The following LGR5 variants were observed in gnomAD, a reference collection of about 807,000 sequenced individuals.
LGR5 encodes leucine rich repeat containing G protein-coupled receptor 5.
Under a neutral mutation model 76.7 loss-of-function variants are expected in LGR5, and 54 were observed. That is an observed-to-expected ratio of 0.70 (90% CI 0.57 to 0.88). LGR5 has a LOEUF of 0.88. LGR5 is among the 40% of genes least tolerant of loss of function. LGR5 has a pLI of 0.00. For synonymous variants in LGR5, 406 were observed against 421.9 expected, an observed-to-expected ratio of 0.96 and a Z score of 0.46; for missense variants, 1,078 against 1,073.3, an observed-to-expected ratio of 1.00 and a Z score of -0.06.
intron 13 of LGR5, among the ~76,000 whole-genome samples, chr12:71,575,389 T>G (rs559329658): frequency 6.6e-6 from 1 of 152,292 alleles, no homozygotes; most frequent in African/African-American, 2.4e-5. Context: ...CCAGCAATTC[T>G]ATTACTGGGT....
chr12:71,514,726 C>A (rs1423607620), intron 2 of LGR5, among the ~76,000 whole-genome samples: 1 of 152,026 alleles, frequency 6.6e-6, no homozygotes, highest in Non-Finnish European at 1.5e-5. Context: ...TTTATTATAT[C>A]AAATAATGAA....
intron 13 of LGR5, among the ~76,000 whole-genome samples, chr12:71,573,501 AT>A (rs937829413): frequency 8.7e-4 from 132 of 151,646 alleles, no homozygotes; most frequent in African/African-American, 3.1e-3. Flanking sequence ...ATTTAATTCC[AT>A]TTTATGATTG....
At chr12:71,547,736 A>G (rs969242668) in intron 4 of LGR5, among the ~76,000 whole-genome samples, 8 of 151,820 alleles carry the variant, frequency 5.3e-5, no homozygotes, top group Non-Finnish European at 7.4e-5. Context: ...CCAGTTTACC[A>G]CATGGTAATA....
chr12:71,579,338 A>C (rs1878994625), intron 15 of LGR5, among the ~76,000 whole-genome samples: 1 of 152,250 alleles, frequency 6.6e-6, no homozygotes, highest in South Asian at 2.1e-4. Context: ...TGCTGCTTAA[A>C]ATCTGTTATG....
intron 3 of LGR5, among the ~76,000 whole-genome samples, chr12:71,526,970 C>T (rs58530052): frequency 0.01 from 1,588 of 152,240 alleles, 16 homozygotes; most frequent in East Asian, 0.041. Flanking sequence ...GGAGAAGCTA[C>T]AGAGCATTTG....
At chr12:71,493,345 T>C (rs1592487629) in intron 1 of LGR5, among the ~76,000 whole-genome samples, 1 of 151,356 alleles carries the variant, frequency 6.6e-6, no homozygotes, top group African/African-American at 2.5e-5. Context: ...TATAAACTGA[T>C]ATAAATCAGG....
rs1871674410 is a variant in LGR5 at position 71,439,948 on chromosome 12, C to A, written c.-133C>A. ...GCCGCCCACGCCGTGGGGTCAGGAA[C>A]GCGGCGTCTGGCGCTGCAGACGCCC... On this transcript the variant is annotated 5_prime_UTR_variant, in exon 1 of 18. Transcript: ENST00000266674. 1 of 766,350 alleles carries A rather than the reference C, an allele frequency of 1.3e-6. No homozygotes were observed. The highest frequency in any genetic ancestry group is 3.0e-5 in the East Asian group (1 of 32,972). The allele number at this position is 766,350 out of a possible 1,614,324, so 47.5% of individuals were successfully genotyped here.
In LGR5 at chr12:71,535,087, A is replaced by C. The variant is rs771150367; in HGVS notation, c.357-28A>C. On this transcript the variant is annotated intron_variant, in intron 3 of 17. Coordinates refer to ENST00000266674, the MANE Select transcript of LGR5 (RefSeq NM_003667.4). ...CCTGTTATTGTTCATTTTTTTTAAC[A>C]TTTTTCTTTATTTCTTTTAACATAC... 4.6e-6 allele frequency: 7 copies of C among 1,533,560 alleles called. No homozygotes were observed. In the South Asian group the frequency reaches 5.7e-5, roughly 12 times the overall value. 95.0% of individuals were successfully genotyped at this position (1,533,560 alleles called of 1,614,324 possible).
At chr12:71,477,683 GA>G (rs1217859786) in intron 1 of LGR5, among the ~76,000 whole-genome samples, 2 of 151,962 alleles carry the variant, frequency 1.3e-5, no homozygotes, top group Non-Finnish European at 2.9e-5. Context: ...AACTGCCTTG[GA>G]AATTTTTCTT....
intron 1 of LGR5, among the ~76,000 whole-genome samples, chr12:71,493,153 G>A (rs753902173): frequency 5.3e-5 from 8 of 151,172 alleles, no homozygotes; most frequent in East Asian, 3.9e-4. Context: ...GTTGAATAAC[G>A]GACCAATCTT....
chr12:71,442,401 G>A (rs1188751400), intron 1 of LGR5, among the ~76,000 whole-genome samples: 1 of 152,036 alleles, frequency 6.6e-6, no homozygotes, highest in Non-Finnish European at 1.5e-5. Context: ...ATACTATTAG[G>A]AAATTAAGTG....
At position 71,578,968 on chromosome 12, in the gene LGR5, T is replaced by G. The variant is rs183942173; in HGVS notation, c.1406+39T>G. Reference sequence around the variant, plus strand: ...TAAAACTAATAAGATACATTTGTGGTCATGTGAAATAATAGATGTATTATA... The same window carrying G: ...TAAAACTAATAAGATACATTTGTGGGCATGTGAAATAATAGATGTATTATA... On this transcript the variant is annotated intron_variant, in intron 15 of 17. Coordinates refer to ENST00000266674, the MANE Select transcript of LGR5 (RefSeq NM_003667.4). 1.9e-3 allele frequency: 2,964 copies of G among 1,557,602 alleles called. 14 individuals carry two copies. The highest frequency in any genetic ancestry group is 3.6e-3 in the South Asian group (300 of 83,306).
At chr12:71,466,633 C>A (rs1872874164) in intron 1 of LGR5, among the ~76,000 whole-genome samples, 1 of 151,408 alleles carries the variant, frequency 6.6e-6, no homozygotes, top group African/African-American at 2.4e-5. Flanking sequence ...AAAAATTGAT[C>A]CTATAATACA....
intron 4 of LGR5, among the ~76,000 whole-genome samples, chr12:71,545,191 G>T (rs1224418766): frequency 6.6e-6 from 1 of 152,128 alleles, no homozygotes; most frequent in Non-Finnish European, 1.5e-5. Context: ...CACCCCTGTA[G>T]TCCTAACACT....
chr12:71,547,071 G>A (rs1383687992), intron 4 of LGR5, among the ~76,000 whole-genome samples: 1 of 152,298 alleles, frequency 6.6e-6, no homozygotes, highest in Middle Eastern at 3.4e-3. Flanking sequence ...GAGAAGGAGT[G>A]ATTTCAACAC....
chr12:71,507,571 G>A (rs1874917469), intron 2 of LGR5, among the ~76,000 whole-genome samples: 1 of 152,162 alleles, frequency 6.6e-6, no homozygotes, highest in Non-Finnish European at 1.5e-5. Flanking sequence ...ACTTTCAGGT[G>A]TAGAATTTCA....
chr12:71,538,240 T>A (rs570724123), intron 4 of LGR5, among the ~76,000 whole-genome samples: 66 of 152,310 alleles, frequency 4.3e-4, no homozygotes, highest in Middle Eastern at 3.4e-3. Flanking sequence ...TGGCCAGGTA[T>A]GGTGGCTCAT....
chr12:71,462,606 C>A, intron 1 of LGR5, among the ~76,000 whole-genome samples: 1 of 152,102 alleles, frequency 6.6e-6, no homozygotes, highest in East Asian at 1.9e-4. Flanking sequence ...TGGGAGTAAT[C>A]GTCTCACCCA....
At chr12:71,533,734 C>G (rs1876444458) in intron 3 of LGR5, among the ~76,000 whole-genome samples, 1 of 152,194 alleles carries the variant, frequency 6.6e-6, no homozygotes, top group Non-Finnish European at 1.5e-5. Flanking sequence ...TATGAACCTT[C>G]ACTCATTGAA....
Sources: allele counts gnomAD v4.1 joint callset (sites outside exome capture counted in the v4.1 genomes callset), GRCh38; gene constraint gnomAD v4.1.1; transcripts MANE v1.5; gene names NCBI Gene and HGNC (gene_info 2026-07-23, HGNC 2026-07-21).